Variants in DGKB observed in about 807,000 individuals in gnomAD.
DGKB encodes diacylglycerol kinase beta.
Under a neutral mutation model 114.3 loss-of-function variants are expected in DGKB, and 67 were observed. The ratio of observed to expected loss-of-function variants is 0.59; its 90% CI spans 0.48 to 0.72. The LOEUF is 0.72. Ranked by LOEUF, DGKB falls within the 30% of genes least tolerant of loss-of-function variation. The pLI, the probability that DGKB is intolerant of heterozygous loss-of-function variation, is 0.00. For missense variants in DGKB, 907 were observed against 975.2 expected, an observed-to-expected ratio of 0.93 and a Z score of 0.93; for synonymous variants, 398 against 323.1, an observed-to-expected ratio of 1.23 and a Z score of -2.49.
rs933784343 is a variant in DGKB at position 14,807,617 on chromosome 7, C to T, written c.70+33577G>A. 4.6e-5 allele frequency among the ~76,000 whole-genome samples: 7 copies of T among 151,834 alleles called. No individual in the cohort carries two copies. In the South Asian group the frequency reaches 6.2e-4, roughly 13 times the overall value. ...GTTGTGTTTCACAAGTGATATAAAA[C>T]GACGTAGAAAGAGATAGATTTGAAC... On this transcript the variant is annotated intron_variant, in intron 2 of 25. Coordinates refer to ENST00000402815, the MANE Select transcript of DGKB (RefSeq NM_001350709.2).
At chr7:14,241,953 CAT>C (rs775884282) in intron 23 of DGKB, among the ~76,000 whole-genome samples, 113 of 77,294 alleles carry the variant, frequency 1.5e-3, no homozygotes, top group African/African-American at 8.7e-3. Context: ...TACACACACA[CAT>C]ATACACACAC....
At chr7:14,233,485 G>C (rs912178820) in intron 23 of DGKB, among the ~76,000 whole-genome samples, 2 of 151,982 alleles carry the variant, frequency 1.3e-5, no homozygotes, top group South Asian at 4.1e-4. Flanking sequence ...GGTGTGATTG[G>C]GGATAATGTC....
intron 13 of DGKB, among the ~76,000 whole-genome samples, chr7:14,631,899 C>T (rs80262419): frequency 5.3e-5 from 8 of 151,896 alleles, no homozygotes; most frequent in African/African-American, 1.7e-4. Flanking sequence ...GGATCCTTAT[C>T]CCATTCTGTG....
At chr7:14,905,243 A>AG (rs1491175136), upstream of DGKB, among the ~76,000 whole-genome samples, 5 of 37,428 alleles carry the variant, frequency 1.3e-4, no homozygotes, top group South Asian at 1.5e-3. Flanking sequence ...CCATCTTGTT[A>AG]GTTTTTTTTT....
chr7:14,508,426 A>T (rs962376439), intron 20 of DGKB, among the ~76,000 whole-genome samples: 3 of 152,220 alleles, frequency 2.0e-5, no homozygotes, highest in Admixed American at 6.5e-5. Context: ...CTGTTTTGGC[A>T]GTTTGCCTGA....
intron 2 of DGKB, 30 bp downstream of exon 2, chr7:14,841,161 AAAT>A (rs1847881122): frequency 6.4e-7 from 1 of 1,552,038 alleles, no homozygotes. Context: ...CACAAATGTC[AAAT>A]AATCTCATAA....
intron 13 of DGKB, among the ~76,000 whole-genome samples, chr7:14,662,249 G>C (rs191671835): frequency 1.8e-3 from 272 of 149,730 alleles, no homozygotes; most frequent in African/African-American, 6.1e-3. Context: ...AGATATGAGA[G>C]TTGGCAGGGG....
intron 1 of DGKB, among the ~76,000 whole-genome samples, chr7:14,863,352 T>G (rs1165483556): frequency 1.3e-5 from 2 of 151,422 alleles, no homozygotes; most frequent in Non-Finnish European, 2.9e-5. Context: ...TTAAAAATTA[T>G]TAGTCATATT....
chr7:14,309,986 T>C (rs1356913177), intron 23 of DGKB, among the ~76,000 whole-genome samples: 1 of 152,180 alleles, frequency 6.6e-6, no homozygotes, highest in African/African-American at 2.4e-5. Context: ...TCCTGGCACA[T>C]ACCCTAGATG....
chr7:14,598,021 T>C (rs945435853), intron 17 of DGKB, among the ~76,000 whole-genome samples: 1 of 152,192 alleles, frequency 6.6e-6, no homozygotes, highest in Non-Finnish European at 1.5e-5. Flanking sequence ...TTCACCAGAA[T>C]CTACATTCAA....
intron 21 of DGKB, among the ~76,000 whole-genome samples, chr7:14,456,211 C>T (rs1270774330): frequency 6.6e-6 from 1 of 151,822 alleles, no homozygotes; most frequent in Non-Finnish European, 1.5e-5. Flanking sequence ...AGACTTGGGT[C>T]ATATCACCAA....
intron 23 of DGKB, among the ~76,000 whole-genome samples, chr7:14,331,181 G>C (rs1161957976): frequency 6.6e-6 from 1 of 151,914 alleles, no homozygotes; most frequent in South Asian, 2.1e-4. Flanking sequence ...TTACTAGATA[G>C]CAAATGTTTG....
rs542349841 is a variant in DGKB at position 14,350,204 on chromosome 7, A to G, written c.1836-4813T>C. Reference sequence around the variant, plus strand: ...CGTATCCTGAGTAATGTGAACTATCAGAGACTTTGTTCAAGCAAAATCCTT... The same window carrying G: ...CGTATCCTGAGTAATGTGAACTATCGGAGACTTTGTTCAAGCAAAATCCTT... On this transcript the variant is annotated intron_variant, in intron 21 of 25. Transcript: ENST00000402815. 8.5e-5 allele frequency among the ~76,000 whole-genome samples: 13 copies of G among 152,236 alleles called. No homozygotes were observed. In the South Asian group the frequency reaches 2.1e-3, roughly 24 times the overall value.
intron 1 of DGKB, among the ~76,000 whole-genome samples, chr7:14,897,538 T>C (rs1782296658): frequency 1.3e-5 from 2 of 152,094 alleles, no homozygotes; most frequent in Middle Eastern, 3.4e-3. Context: ...ACATCTTTGA[T>C]GAACCACTTA....
chr7:14,415,496 C>T (rs1825570628), intron 21 of DGKB, among the ~76,000 whole-genome samples: 1 of 151,474 alleles, frequency 6.6e-6, no homozygotes, highest in Non-Finnish European at 1.5e-5. Flanking sequence ...GTTCAATTCC[C>T]ACCTATGAGT....
chr7:14,776,705 T>C (rs1204234779), intron 2 of DGKB, among the ~76,000 whole-genome samples: 3 of 152,200 alleles, frequency 2.0e-5, no homozygotes, highest in Admixed American at 6.5e-5. Context: ...CAGGCAGAAG[T>C]CTGCTGCAGA....
intron 25 of DGKB, among the ~76,000 whole-genome samples, chr7:14,163,490 TA>T (rs1784200976): frequency 6.6e-6 from 1 of 152,208 alleles, no homozygotes; most frequent in African/African-American, 2.4e-5. Context: ...TTTAAAATTG[TA>T]AATTTATGCA....
chr7:14,178,230 AT>A (rs1252578298), intron 23 of DGKB, 79 bp from the exon 24 acceptor site: 2 of 1,443,948 alleles, frequency 1.4e-6, no homozygotes, highest in Admixed American at 2.3e-5. Context: ...TATTATGGAG[AT>A]TAAAAAAAAT....
intron 13 of DGKB, among the ~76,000 whole-genome samples, chr7:14,646,128 C>T (rs1389151668): frequency 6.6e-6 from 1 of 152,138 alleles, no homozygotes. Context: ...ACAAAAATCT[C>T]ACTTCACTTG....
Sources: allele counts gnomAD v4.1 joint callset (sites outside exome capture counted in the v4.1 genomes callset), GRCh38; gene constraint gnomAD v4.1.1; transcripts MANE v1.5; gene names NCBI Gene and HGNC (gene_info 2026-07-23, HGNC 2026-07-21).